The following LRIT3 variants were observed in gnomAD, a reference collection of about 807,000 sequenced individuals.
LRIT3 encodes the protein leucine-rich repeat, immunoglobulin-like domain and transmembrane domain-containing protein 3.
Under a neutral mutation model 22.6 loss-of-function variants are expected in LRIT3, and 14 were observed. The ratio of observed to expected loss-of-function variants is 0.62; its 90% CI spans 0.41 to 0.97. The LOEUF (loss-of-function observed/expected upper bound fraction) is 0.97, where lower values mean the gene tolerates loss of function less well. LRIT3 is among the 50% of genes least tolerant of loss of function. The pLI is 0.00. For synonymous variants in LRIT3, 306 were observed against 304.5 expected (o/e 1.01, Z -0.05); for missense variants, 783 against 803.0 (o/e 0.98, Z 0.30).
In LRIT3 at chr4:109,851,641, A is replaced by G; in HGVS notation, c.254A>G (p.Tyr85Cys). 13 of 1,551,734 alleles carry G rather than the reference A, an allele frequency of 8.4e-6. No individual in the cohort carries two copies. Among genetic ancestry groups the G allele is most frequent in the South Asian group, 1.2e-5 (1 of 84,066 alleles). Residue 85 changes from tyrosine (Y) to cysteine (C), a missense_variant, in exon 2 of 4, where the codon TAT becomes TGT. By Grantham distance (194) the Tyr-to-Cys change is radical. Transcript: ENST00000594814. Reference sequence around the variant, plus strand: ...TTCTATTACCTGGTGGAGCTCCAGTATCTCTGGGTGACTTACAATTCCGTG... The same window carrying G: ...TTCTATTACCTGGTGGAGCTCCAGTGTCTCTGGGTGACTTACAATTCCGTG... ...EAFYYLVELQ[Y>C]LWVTYNSVAS...
intron 2 of LRIT3, among the ~76,000 whole-genome samples, chr4:109,859,597 G>A (rs889868021): frequency 2.6e-4 from 40 of 152,168 alleles, no homozygotes; most frequent in African/African-American, 9.4e-4. Context: ...AGGCCTAGAA[G>A]AGCCATGGCA....
chr4:109,865,990 T>G (rs1185638802), intron 2 of LRIT3, among the ~76,000 whole-genome samples: 1 of 152,118 alleles, frequency 6.6e-6, no homozygotes, highest in Non-Finnish European at 1.5e-5. Context: ...TAGGTATAGA[T>G]TAACAAGATT....
intron 2 of LRIT3, among the ~76,000 whole-genome samples, chr4:109,853,004 C>T (rs1425141801): frequency 6.6e-6 from 1 of 151,744 alleles, no homozygotes; most frequent in African/African-American, 2.4e-5. Context: ...GCATTTGGTT[C>T]GAAGTCTTTG....
chr4:109,865,787 G>A (rs894579209), intron 2 of LRIT3, among the ~76,000 whole-genome samples: 2 of 152,192 alleles, frequency 1.3e-5, no homozygotes, highest in Admixed American at 1.3e-4. Flanking sequence ...GAGGCTGAGA[G>A]AGGTTGTTAT....
chr4:109,855,454 C>A (rs901044868), intron 2 of LRIT3, among the ~76,000 whole-genome samples: 6 of 151,958 alleles, frequency 3.9e-5, no homozygotes, highest in Non-Finnish European at 8.8e-5. Flanking sequence ...GTCTTGCTAG[C>A]GGTCTATCAA....
chr4:109,871,056 T>C lies in LRIT3; in HGVS notation c.*267T>C, dbSNP rs2125901925. 3.4e-6 allele frequency: 1 copy of C among 295,196 alleles called. No individual in the cohort carries two copies. Among genetic ancestry groups the C allele is most frequent in the South Asian group, 1.5e-4 (1 of 6,632 alleles). 18.3% of individuals were successfully genotyped at this position (295,196 alleles called of 1,614,324 possible). ...TATTAATACTTTTTAGGGTAATGTT[T>C]TAGTTCTTAAAAATAAGTTCATGTG... On this transcript the variant is annotated 3_prime_UTR_variant, in exon 4 of 4. Transcript: ENST00000594814.
intron 2 of LRIT3, among the ~76,000 whole-genome samples, chr4:109,866,199 TTTGTAAAA>T (rs148716155): frequency 0.03 from 4,601 of 152,304 alleles, 224 homozygotes; most frequent in African/African-American, 0.1. Flanking sequence ...ATGGTTAGAA[TTTGTAAAA>T]TTGCAGTTTC....
intron 3 of LRIT3, 116 bp downstream of exon 3, chr4:109,868,062 T>C: frequency 9.1e-7 from 1 of 1,101,462 alleles, no homozygotes; most frequent in East Asian, 2.5e-5. Flanking sequence ...TTCAAGATTA[T>C]TGGGTGCAAG....
intron 2 of LRIT3, among the ~76,000 whole-genome samples, chr4:109,852,930 T>C (rs767770453): frequency 1.3e-5 from 2 of 152,246 alleles, no homozygotes; most frequent in African/African-American, 2.4e-5. Context: ...ATGCTTTTTA[T>C]GGCTGCATAG....
At chr4:109,857,627 T>G (rs1734435054) in intron 2 of LRIT3, among the ~76,000 whole-genome samples, 1 of 152,200 alleles carries the variant, frequency 6.6e-6, no homozygotes, top group Non-Finnish European at 1.5e-5. Flanking sequence ...GAGTTAAATC[T>G]ATGATATAAT....
At chr4:109,865,276 G>A (rs1020488208) in intron 2 of LRIT3, 1 of 1,592,150 alleles carries the variant, frequency 6.3e-7, no homozygotes, top group Non-Finnish European at 8.6e-7. Context: ...AGTAAAGTTG[G>A]TGAGAATGTC....
At chr4:109,855,444 G>A (rs1266783266) in intron 2 of LRIT3, among the ~76,000 whole-genome samples, 1 of 151,814 alleles carries the variant, frequency 6.6e-6, no homozygotes, top group Non-Finnish European at 1.5e-5. Flanking sequence ...TTCTTTATTA[G>A]TCTTGCTAGC....
intron 2 of LRIT3, among the ~76,000 whole-genome samples, chr4:109,860,157 C>G (rs1177734935): frequency 6.6e-6 from 1 of 152,150 alleles, no homozygotes; most frequent in Non-Finnish European, 1.5e-5. Flanking sequence ...TTCTGTAAGT[C>G]CTGACACTGT....
intron 2 of LRIT3, among the ~76,000 whole-genome samples, chr4:109,856,173 C>T (rs1047633930): frequency 7.2e-5 from 11 of 152,240 alleles, no homozygotes; most frequent in Middle Eastern, 3.4e-3. Flanking sequence ...TTCTGGCAGT[C>T]CAACCTGGCA....
At position 109,849,928 on chromosome 4, in the gene LRIT3, A is replaced by T. The variant is rs1450278988; in HGVS notation, c.117-1576A>T. 2.6e-5 allele frequency among the ~76,000 whole-genome samples: 4 copies of T among 152,340 alleles called. No individual in the cohort carries two copies. In the East Asian group the frequency reaches 7.7e-4, roughly 29 times the overall value. On this transcript the variant is annotated intron_variant, in intron 1 of 3. Transcript: ENST00000594814. ...GCACCCGGCCAATACTTTCTTAATG[A>T]GTAGAAACTGCTACCATTCTGGTAT...
intron 1 of LRIT3, among the ~76,000 whole-genome samples, chr4:109,849,038 A>T (rs1473541522): frequency 6.6e-6 from 1 of 151,986 alleles, no homozygotes; most frequent in African/African-American, 2.4e-5. Context: ...TTTTTTTTTG[A>T]GAGGTTATTT....
At chr4:109,852,033 T>C (rs1330441821) in intron 2 of LRIT3, 57 bp downstream of exon 2, 2 of 1,422,258 alleles carry the variant, frequency 1.4e-6, no homozygotes, top group Non-Finnish European at 1.9e-6. Flanking sequence ...TGCATAGCTT[T>C]TTTTGTCCAG....
At chr4:109,866,892 C>T (rs1734694523) in intron 2 of LRIT3, among the ~76,000 whole-genome samples, 1 of 152,204 alleles carries the variant, frequency 6.6e-6, no homozygotes. Flanking sequence ...GCAGCTGATT[C>T]TCTCTTGAAG....
chr4:109,858,951 A>T (rs1486644643), intron 2 of LRIT3, among the ~76,000 whole-genome samples: 1 of 152,210 alleles, frequency 6.6e-6, no homozygotes, highest in Non-Finnish European at 1.5e-5. Context: ...ACATGAAAAC[A>T]TATGTTTTTT....
Sources: gnomAD v4.1 joint callset for allele counts (sites outside exome capture counted in the v4.1 genomes callset) on GRCh38, gnomAD v4.1.1 for gene constraint, MANE v1.5 for transcripts, NCBI Gene and HGNC (gene_info 2026-07-23, HGNC 2026-07-21) for gene names.